Variants in RABGAP1 observed in about 807,000 individuals in gnomAD.
The protein encoded by RABGAP1 is RAB GTPase activating protein 1.
RABGAP1 carries 23 observed loss-of-function variants against 137.6 expected under a neutral mutation model. The observed-to-expected ratio is 0.17, with a 90% CI of 0.12 to 0.24. The LOEUF is 0.24. Ranked by LOEUF, RABGAP1 falls within the 10% of genes least tolerant of loss-of-function variation. The probability of loss-of-function intolerance (pLI) is 1.00; values close to 1 mark genes in which losing one functional copy is unlikely to be tolerated. For synonymous variants in RABGAP1, 451 were observed against 450.7 expected, an observed-to-expected ratio of 1.00 and a Z score of -0.01; for missense variants, 906 against 1,275.8, an observed-to-expected ratio of 0.71 and a Z score of 4.42.
chr9:123,023,771 G>GTATA (rs372639191), intron 13 of RABGAP1, among the ~76,000 whole-genome samples: 4 of 151,598 alleles, frequency 2.6e-5, no homozygotes, highest in African/African-American at 4.8e-5. Context: ...CAATATTTGT[G>GTATA]TATATATATA....
At chr9:122,997,444 A>G in intron 9 of RABGAP1, 83 bp downstream of exon 9, 1 of 902,094 alleles carries the variant, frequency 1.1e-6, no homozygotes, top group Non-Finnish European at 1.6e-6. Context: ...TTTGACCAAT[A>G]TCCAGTGTTT....
chr9:122,990,324 TA>T (rs1431337234), intron 6 of RABGAP1, 111 bp downstream of exon 6: 116 of 953,198 alleles, frequency 1.2e-4, no homozygotes, highest in Middle Eastern at 3.6e-4. Flanking sequence ...GGAGGGCTTT[TA>T]AAAAAAATCT....
At chr9:122,959,334 G>A (rs1399160815) in intron 2 of RABGAP1, among the ~76,000 whole-genome samples, 1 of 136,260 alleles carries the variant, frequency 7.3e-6, no homozygotes. Flanking sequence ...GTAGAACCCT[G>A]TGGAGCTTAA....
At position 122,978,221 on chromosome 9, in the gene RABGAP1, C is replaced by T. The variant is rs543808610; in HGVS notation, c.151-6264C>T. On this transcript the variant is annotated intron_variant, in intron 2 of 25. Transcript: ENST00000373647. Reference sequence around the variant, plus strand: ...TGATAACCAGTGATCTGATTTCTGTCCCTATAGTTTTGTCTTTTCCAGAAT... The same window carrying T: ...TGATAACCAGTGATCTGATTTCTGTTCCTATAGTTTTGTCTTTTCCAGAAT... 2.9e-3 allele frequency among the ~76,000 whole-genome samples: 444 copies of T among 152,234 alleles called. 2 individuals carry two copies. The highest frequency in any genetic ancestry group is 3.6e-3 in the Non-Finnish European group (247 of 68,016).
intron 13 of RABGAP1, chr9:123,034,491 G>T: frequency 2.3e-6 from 2 of 886,918 alleles, no homozygotes; most frequent in South Asian, 3.2e-5. Context: ...TGACCGCAAT[G>T]ACAGCAGCTG....
chr9:123,060,310 G>A (rs1298856829), intron 13 of RABGAP1, among the ~76,000 whole-genome samples: 1 of 152,090 alleles, frequency 6.6e-6, no homozygotes, highest in Non-Finnish European at 1.5e-5. Context: ...CCCACCCCCA[G>A]GTAACCATTT....
intron 13 of RABGAP1, among the ~76,000 whole-genome samples, chr9:123,042,458 CA>C (rs1392822633): frequency 3.9e-5 from 6 of 152,018 alleles, no homozygotes; most frequent in Non-Finnish European, 7.4e-5. Context: ...AGAAAACAAC[CA>C]AAAAACCCAA....
At chr9:123,077,362 G>A (rs1326074824) in intron 19 of RABGAP1, among the ~76,000 whole-genome samples, 1 of 151,810 alleles carries the variant, frequency 6.6e-6, no homozygotes, top group African/African-American at 2.4e-5. Flanking sequence ...ATGTTGCCAA[G>A]GCTAGTCTCA....
At chr9:123,031,892 G>T (rs998384652) in intron 13 of RABGAP1, among the ~76,000 whole-genome samples, 29 of 152,190 alleles carry the variant, frequency 1.9e-4, no homozygotes, top group Non-Finnish European at 1.3e-4. Flanking sequence ...TGAAGTCAGG[G>T]CTGGAGACCT....
intron 21 of RABGAP1, among the ~76,000 whole-genome samples, chr9:123,096,536 GA>G (rs1258211699): frequency 1.3e-5 from 2 of 152,186 alleles, no homozygotes; most frequent in Non-Finnish European, 2.9e-5. Flanking sequence ...ATGGCCTTTT[GA>G]ATCTGCGTAT....
chr9:122,965,729 G>T (rs1300129540), intron 2 of RABGAP1, among the ~76,000 whole-genome samples: 2 of 152,162 alleles, frequency 1.3e-5, no homozygotes, highest in Non-Finnish European at 2.9e-5. Flanking sequence ...ATTGACTTTG[G>T]TAGTTGCATG....
At chr9:122,949,358 T>C (rs1052723242) in intron 1 of RABGAP1, among the ~76,000 whole-genome samples, 1 of 151,890 alleles carries the variant, frequency 6.6e-6, no homozygotes, top group African/African-American at 2.4e-5. Flanking sequence ...GCTAAAAATA[T>C]AAAAATTAGC....
At chr9:123,059,665 T>A (rs1295859979) in intron 13 of RABGAP1, among the ~76,000 whole-genome samples, 1 of 152,198 alleles carries the variant, frequency 6.6e-6, no homozygotes, top group Non-Finnish European at 1.5e-5. Context: ...AAAGTCCTTA[T>A]GCATGGGATT....
chr9:123,095,006 A>G (rs142732259), intron 21 of RABGAP1, among the ~76,000 whole-genome samples: 3 of 152,046 alleles, frequency 2.0e-5, no homozygotes, highest in Non-Finnish European at 2.9e-5. Flanking sequence ...TCCATAACCA[A>G]CTTAGCTAGA....
At chr9:122,961,106 T>G (rs1158018367) in intron 2 of RABGAP1, among the ~76,000 whole-genome samples, 1 of 151,948 alleles carries the variant, frequency 6.6e-6, no homozygotes, top group Non-Finnish European at 1.5e-5. Flanking sequence ...GAAAAAAAAT[T>G]TTAAGTAATA....
chr9:123,023,997 C>G (rs1268094438), intron 13 of RABGAP1, among the ~76,000 whole-genome samples: 1 of 152,076 alleles, frequency 6.6e-6, no homozygotes, highest in Admixed American at 6.5e-5. Context: ...TCTTTGTCAT[C>G]ATCTTGCATT....
intron 13 of RABGAP1, among the ~76,000 whole-genome samples, chr9:123,063,704 A>G (rs922678006): frequency 3.3e-5 from 5 of 152,248 alleles, no homozygotes; most frequent in Non-Finnish European, 5.9e-5. Flanking sequence ...TCAATCATTT[A>G]CACATTCCCA....
At chr9:123,092,731 A>T (rs188248872) in intron 21 of RABGAP1, among the ~76,000 whole-genome samples, 5 of 152,250 alleles carry the variant, frequency 3.3e-5, no homozygotes, top group Non-Finnish European at 7.3e-5. Context: ...TCTATATATT[A>T]TCAAATCCTC....
intron 13 of RABGAP1, among the ~76,000 whole-genome samples, chr9:123,047,640 C>T (rs2033264546): frequency 1.3e-5 from 2 of 151,942 alleles, no homozygotes; most frequent in Non-Finnish European, 2.9e-5. Context: ...AAATTAAAAT[C>T]TTCAATATGA....
Sources: allele counts gnomAD v4.1 joint callset (sites outside exome capture counted in the v4.1 genomes callset), GRCh38; gene constraint gnomAD v4.1.1; transcripts MANE v1.5; gene names NCBI Gene and HGNC (gene_info 2026-07-23, HGNC 2026-07-21).